MYRIP: variants seen among roughly 807,000 people sequenced by gnomAD.
The protein encoded by MYRIP is myosin VIIA and Rab interacting protein.
Under a neutral mutation model 98.0 loss-of-function variants are expected in MYRIP, and 49 were observed. The ratio of observed to expected loss-of-function variants is 0.50; its 90% confidence interval spans 0.40 to 0.63. The LOEUF is 0.63. Among genes scored for constraint, MYRIP ranks in the 30% least tolerant of loss-of-function variants. The probability of loss-of-function intolerance (pLI) is 0.00; values close to 1 mark genes in which losing one functional copy is unlikely to be tolerated. For missense variants in MYRIP, 1,004 were observed against 1,058.2 expected (o/e 0.95, Z 0.71); for synonymous variants, 404 against 409.5 (o/e 0.99, Z 0.16).
chr3:40,003,398 G>GAC (rs1182501620), intron 2 of MYRIP, among the ~76,000 whole-genome samples: 2 of 152,314 alleles, frequency 1.3e-5, no homozygotes, highest in East Asian at 3.9e-4. Context: ...GAAATGAAGG[G>GAC]ACACTGAAGA....
intron 15 of MYRIP, among the ~76,000 whole-genome samples, chr3:40,251,145 T>G (rs1270383930): frequency 3.3e-5 from 5 of 152,224 alleles, no homozygotes; most frequent in African/African-American, 1.2e-4. Flanking sequence ...TGCCCCAGGT[T>G]CAGAAGCCAC....
At chr3:39,900,985 G>A in intron 2 of MYRIP, 59 bp downstream of exon 2, 1 of 1,280,344 alleles carries the variant, frequency 7.8e-7, no homozygotes. Context: ...AAGCGTAACA[G>A]GTTTCCTGAG....
At chr3:39,881,926 A>AT (rs1237113839) in intron 1 of MYRIP, among the ~76,000 whole-genome samples, 1 of 151,320 alleles carries the variant, frequency 6.6e-6, no homozygotes, top group Non-Finnish European at 1.5e-5. Flanking sequence ...GTCCCTGAGC[A>AT]TTTTTTTAAA....
In MYRIP at chr3:40,036,815, G is replaced by T. The variant is rs1947395604; in HGVS notation, c.111-7235G>T. Among the ~76,000 whole-genome samples the T allele has an allele frequency of 2.0e-5, 3 of 152,048 alleles. No homozygotes were observed. The South Asian group carries it at 6.2e-4, about 32-fold the overall frequency. Reference sequence around the variant, plus strand: ...TAAAACTTCAATCAAACAATATTAAGCATAATTTTTGCAATTACAAACCAA... The same window carrying T: ...TAAAACTTCAATCAAACAATATTAATCATAATTTTTGCAATTACAAACCAA... On this transcript the variant is annotated intron_variant, in intron 2 of 16. Coordinates refer to ENST00000302541, the MANE Select transcript of MYRIP (RefSeq NM_015460.4).
chr3:40,190,076 A>G lies in MYRIP; in HGVS notation c.1278A>G (p.Thr426=), dbSNP rs750384327. The G allele has an allele frequency of 3.7e-6, 6 of 1,613,856 alleles. No individual in the cohort carries two copies. The highest frequency in any genetic ancestry group is 2.5e-6 in the Non-Finnish European group (3 of 1,179,952). The change falls in exon 10 of 17, where the codon ACA becomes ACG. Residue 426 remains threonine, a synonymous_variant. Transcript: ENST00000302541. Reference sequence around the variant, plus strand: ...CCAGGAACCCCCAGCCTCAGCCCACACAGGCCCAGAGCTCTGACCAAGGCC... The same window carrying G: ...CCAGGAACCCCCAGCCTCAGCCCACGCAGGCCCAGAGCTCTGACCAAGGCC... The part of the protein sequence containing the change: ...ALPRNPQPQP[T]QAQSSDQGPI...
intron 2 of MYRIP, among the ~76,000 whole-genome samples, chr3:40,041,022 G>GAAAAAAAAAAAAAAA: frequency 2.4e-5 from 1 of 41,210 alleles, no homozygotes; most frequent in African/African-American, 8.8e-5. Flanking sequence ...ATTACCAGCA[G>GAAAAAAAAAAAAAAA]AAAAAAAAAA....
chr3:40,218,609 ATTT>A (rs370689146), intron 11 of MYRIP, among the ~76,000 whole-genome samples: 116,126 of 127,366 alleles, frequency 0.91, 52,991 homozygotes, highest in East Asian at 0.96. Flanking sequence ...ATATATATAT[ATTT>A]TATATATATA....
At chr3:40,018,391 C>T (rs1946917011) in intron 2 of MYRIP, among the ~76,000 whole-genome samples, 1 of 152,196 alleles carries the variant, frequency 6.6e-6, no homozygotes, top group Non-Finnish European at 1.5e-5. Context: ...CTGTCTCCCG[C>T]TAAACATGTT....
chr3:40,082,184 T>C (rs1407652720), intron 3 of MYRIP, among the ~76,000 whole-genome samples: 2 of 152,246 alleles, frequency 1.3e-5, no homozygotes, highest in Non-Finnish European at 2.9e-5. Flanking sequence ...TAAAATTATA[T>C]GGAGGTTTCT....
chr3:40,233,331 G>A (rs922832523), intron 11 of MYRIP, among the ~76,000 whole-genome samples: 3 of 152,304 alleles, frequency 2.0e-5, no homozygotes, highest in Admixed American at 2.0e-4. Flanking sequence ...AGAAACCACA[G>A]AGAAATTCTT....
chr3:40,238,384 G>A (rs1295410363), intron 12 of MYRIP, among the ~76,000 whole-genome samples: 2 of 152,162 alleles, frequency 1.3e-5, no homozygotes, highest in African/African-American at 4.8e-5. Context: ...CTGTCCTCTG[G>A]GTGCAGCTGA....
intron 1 of MYRIP, among the ~76,000 whole-genome samples, chr3:39,875,590 T>C (rs368964248): frequency 3.3e-5 from 5 of 151,510 alleles, no homozygotes; most frequent in East Asian, 1.9e-4. Context: ...GCCTTCATTT[T>C]GTTATGTACC....
intron 10 of MYRIP, among the ~76,000 whole-genome samples, chr3:40,206,066 G>A (rs1951785324): frequency 6.6e-6 from 1 of 152,126 alleles, no homozygotes; most frequent in African/African-American, 2.4e-5. Flanking sequence ...CTAGAAAAGT[G>A]TGCGTGCATA....
intron 10 of MYRIP, among the ~76,000 whole-genome samples, chr3:40,191,836 G>C (rs1207715947): frequency 6.6e-6 from 1 of 152,096 alleles, no homozygotes; most frequent in Non-Finnish European, 1.5e-5. Flanking sequence ...CCAGAAACAT[G>C]GAATGATTTG....
chr3:39,945,476 CAAAAAAA>C lies in MYRIP; in HGVS notation c.110+44559_110+44565del, dbSNP rs67748992. ...TGGGTGACAGAGCAAGACTCCATCT[CAAAAAAA>C]AAAAAAAAGAAAAAAGAAAAAAAAA... On this transcript the variant is annotated intron_variant, in intron 2 of 16. Coordinates refer to ENST00000302541, the MANE Select transcript of MYRIP (RefSeq NM_015460.4). 9.2e-5 allele frequency among the ~76,000 whole-genome samples: 6 copies of C among 65,210 alleles called. 1 individual carries two copies. The highest frequency in any genetic ancestry group is 1.1e-3 in the South Asian group (2 of 1,868). 42.8% of individuals were successfully genotyped at this position (65,210 alleles called of 152,430 possible).
chr3:39,844,089 A>T (rs566596242), intron 1 of MYRIP, among the ~76,000 whole-genome samples: 4 of 152,178 alleles, frequency 2.6e-5, no homozygotes, highest in Admixed American at 1.3e-4. Context: ...ATAGGCATTC[A>T]AATAACATCG....
chr3:39,864,923 C>T (rs1942578350), intron 1 of MYRIP, among the ~76,000 whole-genome samples: 1 of 152,052 alleles, frequency 6.6e-6, no homozygotes, highest in Non-Finnish European at 1.5e-5. Context: ...ATACAGTAAC[C>T]AAAACAGTAC....
chr3:40,092,028 G>A (rs1219206213), intron 3 of MYRIP, among the ~76,000 whole-genome samples: 2 of 152,186 alleles, frequency 1.3e-5, no homozygotes, highest in African/African-American at 2.4e-5. Flanking sequence ...CTTGTCAGAA[G>A]CTCTGTAAGC....
intron 2 of MYRIP, among the ~76,000 whole-genome samples, chr3:39,940,755 A>G (rs1236006269): frequency 6.6e-6 from 1 of 152,206 alleles, no homozygotes; most frequent in African/African-American, 2.4e-5. Flanking sequence ...ATGAAAGCAA[A>G]TAAGCATAAT....
Sources: gnomAD v4.1 joint callset for allele counts (sites outside exome capture counted in the v4.1 genomes callset) on GRCh38, gnomAD v4.1.1 for gene constraint, MANE v1.5 for transcripts, NCBI Gene and HGNC (gene_info 2026-07-23, HGNC 2026-07-21) for gene names.